F13A1: variants seen among roughly 807,000 people sequenced by gnomAD.
The protein encoded by F13A1 is FSF, A subunit.
F13A1 carries 47 observed loss-of-function variants against 80.1 expected under a neutral mutation model. The observed-to-expected ratio is 0.59, with a 90% confidence interval of 0.46 to 0.75. The LOEUF (loss-of-function observed/expected upper bound fraction) is 0.75, where lower values mean the gene tolerates loss of function less well. Ranked by LOEUF, F13A1 falls within the 30% of genes least tolerant of loss-of-function variation. The probability of loss-of-function intolerance (pLI) is 0.00; values close to 1 mark genes in which losing one functional copy is unlikely to be tolerated. For synonymous variants in F13A1, 349 were observed against 344.9 expected (o/e 1.01, Z -0.13); for missense variants, 817 against 930.4 (o/e 0.88, Z 1.59).
At chr6:6,281,376 C>T (rs1362421172) in intron 3 of F13A1, among the ~76,000 whole-genome samples, 2 of 152,088 alleles carry the variant, frequency 1.3e-5, no homozygotes, top group African/African-American at 4.8e-5. Context: ...CTTTCCAGAT[C>T]CCAGGCCCAG....
chr6:6,182,783 G>A (rs1052974840), intron 10 of F13A1, among the ~76,000 whole-genome samples: 3 of 152,174 alleles, frequency 2.0e-5, no homozygotes, highest in African/African-American at 4.8e-5. Context: ...AAATGGCTAA[G>A]CCCGCATCAG....
At chr6:6,241,343 A>C (rs1436478018) in intron 6 of F13A1, among the ~76,000 whole-genome samples, 1 of 152,086 alleles carries the variant, frequency 6.6e-6, no homozygotes, top group African/African-American at 2.4e-5. Context: ...CTTTACCCCC[A>C]CAAAGTGACA....
At chr6:6,149,614 T>C (rs1444087365) in intron 14 of F13A1, among the ~76,000 whole-genome samples, 1 of 152,200 alleles carries the variant, frequency 6.6e-6, no homozygotes, top group Non-Finnish European at 1.5e-5. Context: ...ATCTGCAAGC[T>C]GGGAAGGGAG....
intron 6 of F13A1, 76 bp downstream of exon 6, chr6:6,248,236 C>T (rs1757580087): frequency 1.7e-6 from 2 of 1,143,978 alleles, no homozygotes; most frequent in South Asian, 1.3e-5. Flanking sequence ...ATTTCAGCAG[C>T]TCTTAATGAA....
At chr6:6,149,970 A>T (rs989048644) in intron 14 of F13A1, among the ~76,000 whole-genome samples, 2 of 152,204 alleles carry the variant, frequency 1.3e-5, no homozygotes, top group African/African-American at 4.8e-5. Context: ...ACCTATTTTG[A>T]GCCTGAGGCC....
At chr6:6,170,852 A>G (rs1452555531) in intron 12 of F13A1, among the ~76,000 whole-genome samples, 11 of 152,158 alleles carry the variant, frequency 7.2e-5, no homozygotes, top group Admixed American at 7.2e-4. Flanking sequence ...AATTTAATTT[A>G]TATTTCAATA....
intron 13 of F13A1, among the ~76,000 whole-genome samples, chr6:6,153,630 A>G (rs1364076300): frequency 6.6e-6 from 1 of 152,220 alleles, no homozygotes; most frequent in East Asian, 1.9e-4. Context: ...GACGATGGTC[A>G]TGGTAGCAAC....
At chr6:6,316,101 A>AGTTTTTT (rs1758679283) in intron 2 of F13A1, among the ~76,000 whole-genome samples, 1 of 31,038 alleles carries the variant, frequency 3.2e-5, no homozygotes, top group African/African-American at 1.8e-4. Flanking sequence ...ATATATATAT[A>AGTTTTTT]TATATATATA....
At chr6:6,174,928 T>G (rs1288571595) in intron 11 of F13A1, 61 bp from the exon 12 acceptor site, 1 of 1,594,530 alleles carries the variant, frequency 6.3e-7, no homozygotes, top group Non-Finnish European at 8.6e-7. Flanking sequence ...GAAAGTCACA[T>G]TAATGGATGC....
chr6:6,226,546 C>T (rs984343698), intron 6 of F13A1, among the ~76,000 whole-genome samples: 2 of 152,134 alleles, frequency 1.3e-5, no homozygotes, highest in African/African-American at 4.8e-5. Flanking sequence ...TGTTTGCTGC[C>T]TCACCAACTA....
chr6:6,181,345 A>G (rs1353919373), intron 11 of F13A1, among the ~76,000 whole-genome samples: 1 of 152,150 alleles, frequency 6.6e-6, no homozygotes. Context: ...CCAGCACCAA[A>G]CCAATTGCAG....
At chr6:6,251,787 C>T (rs1261988429) in intron 4 of F13A1, among the ~76,000 whole-genome samples, 1 of 152,166 alleles carries the variant, frequency 6.6e-6, no homozygotes, top group Non-Finnish European at 1.5e-5. Context: ...ATCTTGCAAT[C>T]CCTAATGAAG....
chr6:6,185,339 T>G (rs918000157), intron 10 of F13A1, among the ~76,000 whole-genome samples: 1 of 140,480 alleles, frequency 7.1e-6, no homozygotes, highest in African/African-American at 2.6e-5. Flanking sequence ...TGTGTCCATG[T>G]GATCTCATTG....
intron 8 of F13A1, among the ~76,000 whole-genome samples, chr6:6,206,953 C>G (rs1166210457): frequency 6.6e-6 from 1 of 151,478 alleles, no homozygotes; most frequent in Non-Finnish European, 1.5e-5. Context: ...GAAACACCTC[C>G]AGAGTGGCAG....
At chr6:6,239,431 T>A (rs902505084) in intron 6 of F13A1, among the ~76,000 whole-genome samples, 1 of 152,158 alleles carries the variant, frequency 6.6e-6, no homozygotes, top group Non-Finnish European at 1.5e-5. Context: ...GTGCATTTAA[T>A]ATCCATGATT....
chr6:6,173,871 C>T (rs750892865), intron 12 of F13A1, among the ~76,000 whole-genome samples: 3 of 152,112 alleles, frequency 2.0e-5, no homozygotes, highest in Non-Finnish European at 4.4e-5. Flanking sequence ...CCTGTACACT[C>T]CAGTCTGCTT....
chr6:6,187,572 C>T (rs1462723538), intron 10 of F13A1, among the ~76,000 whole-genome samples: 2 of 115,572 alleles, frequency 1.7e-5, no homozygotes, highest in African/African-American at 7.0e-5. Context: ...GGGATGAAGC[C>T]CACTTGATCA....
intron 2 of F13A1, among the ~76,000 whole-genome samples, chr6:6,313,694 A>G (rs1758639679): frequency 1.3e-5 from 2 of 152,200 alleles, no homozygotes; most frequent in African/African-American, 4.8e-5. Context: ...AAAAAAAAAC[A>G]GGAAAAATAA....
chr6:6,246,255 CCT>C (rs572594643), intron 6 of F13A1, among the ~76,000 whole-genome samples: 1 of 152,234 alleles, frequency 6.6e-6, no homozygotes, highest in South Asian at 2.1e-4. Context: ...CTTGATCTTT[CCT>C]CTGTGTCATT....
Sources: gnomAD v4.1 joint callset for allele counts (sites outside exome capture counted in the v4.1 genomes callset) on GRCh38, gnomAD v4.1.1 for gene constraint, MANE v1.5 for transcripts, NCBI Gene and HGNC (gene_info 2026-07-23, HGNC 2026-07-21) for gene names.